The following SERPINB5 variants were observed in gnomAD, a reference collection of about 807,000 sequenced individuals.
The protein encoded by SERPINB5 is serpin family B member 5.
Under a neutral mutation model 32.2 loss-of-function variants are expected in SERPINB5, and 27 were observed. That is an observed-to-expected ratio of 0.84 (90% CI 0.62 to 1.16). The LOEUF (loss-of-function observed/expected upper bound fraction) is 1.16. Among genes scored for constraint, SERPINB5 ranks in the 50% most tolerant of loss-of-function variants. The pLI is 0.00. For missense variants in SERPINB5, 388 were observed against 436.3 expected (o/e 0.89, Z 0.99); for synonymous variants, 154 against 157.4 (o/e 0.98, Z 0.16).
intron 4 of SERPINB5, chr18:63,490,551 A>G (rs1354157992): frequency 1.3e-5 from 2 of 152,164 alleles, no homozygotes; most frequent in Admixed American, 1.3e-4. Flanking sequence ...GCTGCTGTCT[A>G]GGGAGGGATA....
At chr18:63,494,904 A>G (rs1310873340) in intron 5 of SERPINB5, among the ~76,000 whole-genome samples, 3 of 152,248 alleles carry the variant, frequency 2.0e-5, no homozygotes, top group Non-Finnish European at 4.4e-5. Flanking sequence ...GTAGGTGCTC[A>G]GCAAATTTGC....
intron 5 of SERPINB5, chr18:63,493,484 T>G: frequency 2.3e-6 from 1 of 434,610 alleles, no homozygotes; most frequent in South Asian, 5.4e-5. Context: ...TGTTCCTGAT[T>G]GATTAACTTC....
chr18:63,481,628 C>G (rs1342310572), intron 1 of SERPINB5, among the ~76,000 whole-genome samples: 1 of 152,206 alleles, frequency 6.6e-6, no homozygotes, highest in African/African-American at 2.4e-5. Flanking sequence ...TTGAGTTTTA[C>G]TTGTAGATGA....
At chr18:63,499,060 TA>T in intron 5 of SERPINB5, 59 bp from the exon 6 acceptor site, 1 of 768,342 alleles carries the variant, frequency 1.3e-6, no homozygotes, top group Non-Finnish European at 1.9e-6. Context: ...TATATATATA[TA>T]TATATATTTA....
intron 4 of SERPINB5, among the ~76,000 whole-genome samples, chr18:63,491,214 C>G (rs1029927861): frequency 2.6e-5 from 4 of 151,844 alleles, no homozygotes; most frequent in Non-Finnish European, 5.9e-5. Flanking sequence ...CCAGTCTGGC[C>G]AACATGGTGA....
intron 5 of SERPINB5, 120 bp downstream of exon 5, chr18:63,493,215 C>T: frequency 1.5e-6 from 2 of 1,334,694 alleles, no homozygotes; most frequent in Non-Finnish European, 2.1e-6. Flanking sequence ...CGGCAAAGTG[C>T]CTTTCCTGAG....
chr18:63,484,678 T>C (rs537899454), intron 2 of SERPINB5, 82 bp downstream of exon 2: 1 of 1,339,290 alleles, frequency 7.5e-7, no homozygotes, highest in East Asian at 2.5e-5. Context: ...AAAAAAGGAA[T>C]GTAGACTTTG....
In SERPINB5 at chr18:63,484,283, T is replaced by C. The variant is rs1386783744; in HGVS notation, c.-7-139T>C. The C allele has an allele frequency of 9.0e-6, 8 of 892,664 alleles. No homozygotes were observed. In the African/African-American group the frequency reaches 1.0e-4, roughly 12 times the overall value. 55.3% of individuals were successfully genotyped at this position (892,664 alleles called of 1,614,324 possible). The stretch of plus-strand genomic sequence containing the variant: ...GTTTCTTCACAACTGATCTTACTTT[T>C]GAATTTACAGAAAGTTCCTTGTTTC... On this transcript the variant is annotated intron_variant, in intron 1 of 6. Transcript: ENST00000382771.
chr18:63,503,964 C>T lies in SERPINB5; in HGVS notation c.*242C>T, dbSNP rs530159810. 7.1e-5 allele frequency: 34 copies of T among 477,922 alleles called. No individual in the cohort carries two copies. Among genetic ancestry groups the T allele is most frequent in the South Asian group, 2.5e-4 (8 of 31,490 alleles). The allele number at this position is 477,922 out of a possible 1,614,324, so 29.6% of individuals were successfully genotyped here. On this transcript the variant is annotated 3_prime_UTR_variant, in exon 7 of 7. Transcript: ENST00000382771. ...ATACGCTTTTAATGAAAAGGAATCACGTTAGAGGAAAAATATTTATTCATT... is the reference window on the plus strand; with the variant it reads ...ATACGCTTTTAATGAAAAGGAATCATGTTAGAGGAAAAATATTTATTCATT...
chr18:63,484,739 A>ATATTTTTTTTTTTT (rs1474564506), intron 2 of SERPINB5, 143 bp downstream of exon 2: 6 of 144,828 alleles, frequency 4.1e-5, no homozygotes, highest in African/African-American at 2.1e-4. Flanking sequence ...GACTCTCTTA[A>ATATTTTTTTTTTTT]TCTTTTTTTT....
chr18:63,480,342 C>T (rs150834877), intron 1 of SERPINB5, among the ~76,000 whole-genome samples: 4,725 of 152,252 alleles, frequency 0.031, 105 homozygotes, highest in Non-Finnish European at 0.047. Context: ...AAAGATGTAG[C>T]GTTTTCTACA....
chr18:63,503,916 C>A lies in SERPINB5; in HGVS notation c.*194C>A. On this transcript the variant is annotated 3_prime_UTR_variant, in exon 7 of 7. Coordinates refer to ENST00000382771, the MANE Select transcript of SERPINB5 (RefSeq NM_002639.5). ...TTTTTCCAATTCTATCTTTTGTTTC[C>A]TTTTTTCCCATAAGACAATGACATA... 1 of 581,274 alleles carries A rather than the reference C, an allele frequency of 1.7e-6. No homozygotes were observed. Among genetic ancestry groups the A allele is most frequent in the African/African-American group, 1.9e-5 (1 of 52,524 alleles). The allele number at this position is 581,274 out of a possible 1,614,324, so 36.0% of individuals were successfully genotyped here.
At chr18:63,479,911 A>C (rs1917099070) in intron 1 of SERPINB5, among the ~76,000 whole-genome samples, 1 of 152,200 alleles carries the variant, frequency 6.6e-6, no homozygotes, top group Non-Finnish European at 1.5e-5. Flanking sequence ...CTTCAAGGGG[A>C]GACTTCAGGA....
chr18:63,489,637 T>G (rs1917270285), intron 4 of SERPINB5, among the ~76,000 whole-genome samples, 173 bp downstream of exon 4: 1 of 152,258 alleles, frequency 6.6e-6, no homozygotes, highest in Non-Finnish European at 1.5e-5. Context: ...TTCTGGGCAA[T>G]TCTTGTATCA....
intron 4 of SERPINB5, among the ~76,000 whole-genome samples, chr18:63,490,058 G>A (rs1232845542): frequency 6.6e-6 from 1 of 152,172 alleles, no homozygotes; most frequent in African/African-American, 2.4e-5. Context: ...CGGGCGTGGT[G>A]GCGGGCGCCT....
intron 6 of SERPINB5, among the ~76,000 whole-genome samples, chr18:63,500,987 C>T (rs865821142): frequency 2.0e-5 from 3 of 151,188 alleles, no homozygotes; most frequent in African/African-American, 7.3e-5. Context: ...AAAACGCCCT[C>T]CAATAAACAT....
chr18:63,488,106 C>T (rs778665254), intron 3 of SERPINB5, among the ~76,000 whole-genome samples: 22 of 152,078 alleles, frequency 1.4e-4, no homozygotes, highest in Admixed American at 7.2e-4. Flanking sequence ...ACAATTAACA[C>T]ATTTTTATTG....
intron 4 of SERPINB5, among the ~76,000 whole-genome samples, chr18:63,490,312 C>G (rs566674691): frequency 6.6e-6 from 1 of 152,236 alleles, no homozygotes; most frequent in Non-Finnish European, 1.5e-5. Context: ...GTTCTTTCTC[C>G]GGCTCAGTGC....
chr18:63,482,964 T>C (rs931377526), intron 1 of SERPINB5, among the ~76,000 whole-genome samples: 2 of 152,120 alleles, frequency 1.3e-5, no homozygotes, highest in African/African-American at 4.8e-5. Context: ...ATAGAAGGGA[T>C]GTCATATAGC....
Sources: gnomAD v4.1 joint callset for allele counts (sites outside exome capture counted in the v4.1 genomes callset) on GRCh38, gnomAD v4.1.1 for gene constraint, MANE v1.5 for transcripts, NCBI Gene and HGNC (gene_info 2026-07-23, HGNC 2026-07-21) for gene names.